ADAMTS18: variants seen among roughly 807,000 people sequenced by gnomAD.
ADAMTS18 encodes A disintegrin and metalloproteinase with thrombospondin motifs 18.
A neutral mutation model predicts 165.9 loss-of-function variants in ADAMTS18; 157 were observed. The observed-to-expected ratio is 0.95, with a 90% CI of 0.83 to 1.08. The LOEUF (loss-of-function observed/expected upper bound fraction) is 1.08. Ranked by LOEUF, ADAMTS18 falls within the 50% of genes least tolerant of loss-of-function variation. The pLI, the probability that ADAMTS18 is intolerant of heterozygous loss-of-function variation, is 0.00. For missense variants in ADAMTS18, 2,040 were observed against 1,534.0 expected (o/e 1.33, Z -5.51); for synonymous variants, 782 against 578.2 (o/e 1.35, Z -5.06).
chr16:77,404,208 A>G (rs1433176399), intron 3 of ADAMTS18, among the ~76,000 whole-genome samples: 1 of 152,198 alleles, frequency 6.6e-6, no homozygotes, highest in Non-Finnish European at 1.5e-5. Flanking sequence ...ATAAATCAAG[A>G]GCTTGAACTG....
intron 3 of ADAMTS18, among the ~76,000 whole-genome samples, chr16:77,371,137 T>C (rs556131644): frequency 3.0e-4 from 45 of 151,996 alleles, no homozygotes; most frequent in African/African-American, 1.0e-3. Flanking sequence ...ATTGCCTTAG[T>C]CTGAAAGGTG....
intron 9 of ADAMTS18, among the ~76,000 whole-genome samples, chr16:77,354,349 C>T (rs145542524): frequency 1.4e-4 from 21 of 151,876 alleles, no homozygotes; most frequent in African/African-American, 4.8e-4. Flanking sequence ...GAGCAGAGGT[C>T]AAAGATGTAC....
chr16:77,430,950 G>C (rs1269014354), intron 3 of ADAMTS18, among the ~76,000 whole-genome samples: 7 of 152,156 alleles, frequency 4.6e-5, no homozygotes, highest in Non-Finnish European at 1.0e-4. Context: ...CCATGTAGAC[G>C]CATGAAGCTT....
At position 77,294,484 on chromosome 16, in the gene ADAMTS18, G is replaced by A. The variant is rs142957419; in HGVS notation, c.3006+439C>T. 4.4e-4 allele frequency among the ~76,000 whole-genome samples: 67 copies of A among 152,286 alleles called. 1 individual carries two copies. Among genetic ancestry groups the A allele is most frequent in the African/African-American group, 1.5e-3 (61 of 41,550 alleles). On this transcript the variant is annotated intron_variant, in intron 19 of 22. Transcript: ENST00000282849. ...TTTAAAATTTTATGGCTTTCACTGGGAATTTGTGACCATAGCAAACTTTAT... is the reference window on the plus strand; with the variant it reads ...TTTAAAATTTTATGGCTTTCACTGGAAATTTGTGACCATAGCAAACTTTAT...
In ADAMTS18 at chr16:77,434,655, G is replaced by A. The variant is rs1245196054; in HGVS notation, c.41C>T (p.Ala14Val). 2.0e-6 allele frequency: 3 copies of A among 1,479,678 alleles called. No individual in the cohort carries two copies. The African/African-American group carries it at 4.4e-5, about 22-fold the overall frequency. 91.7% of individuals were successfully genotyped at this position (1,479,678 alleles called of 1,614,324 possible). The change falls in exon 1 of 23, where the codon GCG (alanine) becomes GTG (valine). Residue 14 changes from alanine to valine, a missense_variant. Ala to Val is a moderately conservative substitution (Grantham distance 64, BLOSUM62 0). Coordinates refer to ENST00000282849, the MANE Select transcript of ADAMTS18 (RefSeq NM_199355.4). ...CAGGCCCCTCGGCGGGCCCGAACCC[G>A]CAGCCGGGAAGGCACACGCGAGCAG... is the stretch of plus-strand genomic sequence containing the variant. ...ALLLACAFPA[A>V]GSGPPRGLAG... is the part of the protein sequence containing the mutation.
chr16:77,319,074 T>A (rs1455031774), intron 16 of ADAMTS18, among the ~76,000 whole-genome samples: 1 of 152,124 alleles, frequency 6.6e-6, no homozygotes, highest in Non-Finnish European at 1.5e-5. Flanking sequence ...TTTTTTCCCT[T>A]TTCTTACCTG....
intron 3 of ADAMTS18, among the ~76,000 whole-genome samples, chr16:77,420,328 C>A (rs1205466165): frequency 1.3e-5 from 2 of 152,132 alleles, no homozygotes; most frequent in Non-Finnish European, 2.9e-5. Context: ...ATGATTGCAT[C>A]TCTAAAGCCC....
chr16:77,342,454 T>C (rs1463647753), intron 10 of ADAMTS18, among the ~76,000 whole-genome samples: 1 of 116,052 alleles, frequency 8.6e-6, no homozygotes, highest in African/African-American at 3.1e-5. Flanking sequence ...CTGTTTATAG[T>C]TTATTGACTG....
chr16:77,408,545 A>C (rs532870113), intron 3 of ADAMTS18, among the ~76,000 whole-genome samples: 1 of 152,164 alleles, frequency 6.6e-6, no homozygotes, highest in South Asian at 2.1e-4. Context: ...ACATATAACA[A>C]TATGGATGGA....
At chr16:77,339,581 G>T (rs771136042) in intron 11 of ADAMTS18, among the ~76,000 whole-genome samples, 5 of 144,224 alleles carry the variant, frequency 3.5e-5, no homozygotes, top group Admixed American at 7.3e-5. Flanking sequence ...TATAGGTAAC[G>T]ATGTTGCTTT....
Position 77,291,198 on chromosome 16 carries a change from G to C in ADAMTS18, c.3402+68C>G, listed in dbSNP as rs188736840. 8.9e-5 allele frequency: 138 copies of C among 1,542,872 alleles called. 1 individual carries two copies. The African/African-American group carries it at 1.8e-3, about 20-fold the overall frequency. On this transcript the variant is annotated intron_variant, in intron 21 of 22. Transcript: ENST00000282849. ...AACCATTAACAGACTAAGAGCAACT[G>C]TTTGCAGAACGCCTCATTTTTCGAC... is the stretch of plus-strand genomic sequence containing the variant.
chr16:77,349,323 A>G (rs2056521350), intron 10 of ADAMTS18, among the ~76,000 whole-genome samples: 1 of 152,042 alleles, frequency 6.6e-6, no homozygotes, highest in Non-Finnish European at 1.5e-5. Flanking sequence ...TTTGCCCACA[A>G]GGAGATTCCT....
chr16:77,295,837 T>C (rs771171541), intron 18 of ADAMTS18, among the ~76,000 whole-genome samples: 9 of 152,132 alleles, frequency 5.9e-5, no homozygotes, highest in African/African-American at 2.2e-4. Flanking sequence ...TGAACGGTTA[T>C]CAATTGAAAC....
chr16:77,367,517 A>C lies in ADAMTS18; in HGVS notation c.702T>G (p.His234Gln), dbSNP rs770100306. 6.2e-7 allele frequency: 1 copy of C among 1,614,218 alleles called. No homozygotes were observed. Among genetic ancestry groups the C allele is most frequent in the Admixed American group, 1.7e-5 (1 of 60,024 alleles). Residue 234 changes from histidine (H) to glutamine (Q), a missense_variant, in exon 4 of 23, where the codon CAT becomes CAG. By Grantham distance (24) the His-to-Gln change is conservative. Coordinates refer to ENST00000282849, the MANE Select transcript of ADAMTS18 (RefSeq NM_199355.4). ...ACTCTGTCTCTCGACTCTGAGATGCATGGGGAATGTGACTTGGGGAGTAAC... is the reference window on the plus strand; with the variant it reads ...ACTCTGTCTCTCGACTCTGAGATGCCTGGGGAATGTGACTTGGGGAGTAAC... Reference protein sequence around the residue: ...YPGYSPSHIPHASQSRETEYH... With the variant: ...YPGYSPSHIPQASQSRETEYH...
At chr16:77,380,328 T>C (rs1381967390) in intron 3 of ADAMTS18, among the ~76,000 whole-genome samples, 2 of 152,230 alleles carry the variant, frequency 1.3e-5, no homozygotes, top group East Asian at 1.9e-4. Flanking sequence ...TAGATATTAA[T>C]AACATATTGA....
At chr16:77,417,241 GA>G (rs1387877955) in intron 3 of ADAMTS18, among the ~76,000 whole-genome samples, 1 of 152,122 alleles carries the variant, frequency 6.6e-6, no homozygotes, top group Admixed American at 6.5e-5. Context: ...AAATGTTTTA[GA>G]AGTGTGAATG....
Position 77,416,061 on chromosome 16 carries a change from G to A in ADAMTS18, c.495+15234C>T, listed in dbSNP as rs1342047844. Among the ~76,000 whole-genome samples the A allele has an allele frequency of 4.6e-5, 7 of 152,110 alleles. No homozygotes were observed. In the South Asian group the frequency reaches 1.5e-3, roughly 32 times the overall value. ...GCGATAAACAAGTGAGTCAAGCACT[G>A]GGCAATAAATAATATAAAGAAAATT... On this transcript the variant is annotated intron_variant, in intron 3 of 22. Coordinates refer to ENST00000282849, the MANE Select transcript of ADAMTS18 (RefSeq NM_199355.4).
At chr16:77,294,465 A>T (rs1315089734) in intron 19 of ADAMTS18, among the ~76,000 whole-genome samples, 2 of 152,172 alleles carry the variant, frequency 1.3e-5, no homozygotes, top group African/African-American at 4.8e-5. Flanking sequence ...TAACTTTAAA[A>T]TTTTATGGCT....
chr16:77,344,190 T>G (rs1024933345), intron 10 of ADAMTS18, among the ~76,000 whole-genome samples: 2 of 149,962 alleles, frequency 1.3e-5, no homozygotes, highest in African/African-American at 2.5e-5. Flanking sequence ...CATACAGTAA[T>G]TTTGGTCTTG....
Sources: allele counts gnomAD v4.1 joint callset (sites outside exome capture counted in the v4.1 genomes callset), GRCh38; gene constraint gnomAD v4.1.1; transcripts MANE v1.5; gene names NCBI Gene and HGNC (gene_info 2026-07-23, HGNC 2026-07-21).